Variants in UGT8 observed in about 807,000 individuals in gnomAD.
UGT8 encodes the protein UDP glycosyltransferase 8.
Under a neutral mutation model 40.5 loss-of-function variants are expected in UGT8, and 12 were observed. That is an observed-to-expected ratio of 0.30 (90% CI 0.19 to 0.48). UGT8 has a LOEUF of 0.48. Among genes scored for constraint, UGT8 ranks in the 20% least tolerant of loss-of-function variants. The pLI, the probability that UGT8 is intolerant of heterozygous loss-of-function variation, is 0.99. For synonymous variants in UGT8, 224 were observed against 240.4 expected (o/e 0.93, Z 0.63); for missense variants, 513 against 648.7 (o/e 0.79, Z 2.27).
At chr4:114,600,659 A>G (rs1168231335) in intron 1 of UGT8, among the ~76,000 whole-genome samples, 1 of 152,186 alleles carries the variant, frequency 6.6e-6, no homozygotes. Context: ...CAATATTTTA[A>G]TAGTGTTAAG....
At chr4:114,632,035 T>C (rs1160076318) in intron 2 of UGT8, among the ~76,000 whole-genome samples, 1 of 152,202 alleles carries the variant, frequency 6.6e-6, no homozygotes, top group Non-Finnish European at 1.5e-5. Context: ...CAGTAATAGG[T>C]AAGGGCCTCA....
intron 1 of UGT8, chr4:114,622,312 C>G (rs1353872741): frequency 6.6e-6 from 1 of 151,126 alleles, no homozygotes; most frequent in African/African-American, 2.4e-5. Context: ...GCATAGTATT[C>G]CATGGTGTAT....
At chr4:114,660,890 C>CAA (rs34026143) in intron 2 of UGT8, among the ~76,000 whole-genome samples, 1,374 of 102,944 alleles carry the variant, frequency 0.013, 29 homozygotes, top group African/African-American at 0.047. Context: ...GACTCTGTCT[C>CAA]AAAAAAAAAA....
intron 2 of UGT8, among the ~76,000 whole-genome samples, chr4:114,643,936 A>G (rs1733387136): frequency 6.6e-6 from 1 of 151,804 alleles, no homozygotes; most frequent in Non-Finnish European, 1.5e-5. Flanking sequence ...TTTTATTTCT[A>G]CTCCCATTTT....
intron 1 of UGT8, among the ~76,000 whole-genome samples, chr4:114,610,621 T>A (rs1163684131): frequency 6.6e-6 from 1 of 152,208 alleles, no homozygotes; most frequent in Admixed American, 6.5e-5. Flanking sequence ...TAACTTCTGT[T>A]TTTTATCTAA....
chr4:114,648,976 A>G (rs1015860301), intron 2 of UGT8, among the ~76,000 whole-genome samples: 2 of 152,206 alleles, frequency 1.3e-5, no homozygotes, highest in Non-Finnish European at 2.9e-5. Context: ...GCTTAATTCT[A>G]ACTCTGCTTC....
At chr4:114,664,896 G>T (rs554380668) in intron 3 of UGT8, among the ~76,000 whole-genome samples, 3 of 152,324 alleles carry the variant, frequency 2.0e-5, no homozygotes, top group Admixed American at 1.3e-4. Context: ...TTGAGTAATA[G>T]AGATTTTCCC....
intron 2 of UGT8, among the ~76,000 whole-genome samples, chr4:114,635,407 C>T (rs1011516472): frequency 6.6e-6 from 1 of 151,832 alleles, no homozygotes; most frequent in African/African-American, 2.4e-5. Context: ...ACAGAAAGTA[C>T]ATATTTTTCC....
intron 2 of UGT8, among the ~76,000 whole-genome samples, chr4:114,659,477 T>C (rs1226551012): frequency 1.3e-5 from 2 of 152,216 alleles, no homozygotes; most frequent in Non-Finnish European, 2.9e-5. Context: ...ATTGTGATCA[T>C]TTTCTTTTCA....
At position 114,676,495 on chromosome 4, in the gene UGT8, G is replaced by A. The variant is rs1735654732; in HGVS notation, c.*207G>A. On this transcript the variant is annotated 3_prime_UTR_variant, in exon 6 of 6. Coordinates refer to ENST00000310836, the MANE Select transcript of UGT8 (RefSeq NM_001128174.3). Reference sequence around the variant, plus strand: ...AAATGTATTTTATTCAAATACTGATGTAGAGAGTTTTGGCACTGAACCTTT... The same window carrying A: ...AAATGTATTTTATTCAAATACTGATATAGAGAGTTTTGGCACTGAACCTTT... 4 of 478,712 alleles carry A rather than the reference G, an allele frequency of 8.4e-6. No individual in the cohort carries two copies. Among genetic ancestry groups the A allele is most frequent in the East Asian group, 6.9e-5 (2 of 28,826 alleles). 29.7% of individuals were successfully genotyped at this position (478,712 alleles called of 1,614,324 possible).
chr4:114,607,756 C>A (rs977571184), intron 1 of UGT8, among the ~76,000 whole-genome samples: 1 of 152,156 alleles, frequency 6.6e-6, no homozygotes, highest in Non-Finnish European at 1.5e-5. Context: ...TATATCTAAT[C>A]TATTCCTAAT....
intron 2 of UGT8, among the ~76,000 whole-genome samples, chr4:114,632,759 C>T (rs918289869): frequency 6.6e-6 from 1 of 152,092 alleles, no homozygotes; most frequent in Non-Finnish European, 1.5e-5. Context: ...TATGTCCCAC[C>T]CACTTTCATT....
intron 2 of UGT8, among the ~76,000 whole-genome samples, chr4:114,650,264 T>G (rs1256876970): frequency 6.6e-6 from 1 of 152,242 alleles, no homozygotes; most frequent in Non-Finnish European, 1.5e-5. Context: ...GTTATCTTCC[T>G]GGAACCTTTT....
At chr4:114,635,350 CAA>C (rs755430712) in intron 2 of UGT8, among the ~76,000 whole-genome samples, 1 of 130,874 alleles carries the variant, frequency 7.6e-6, no homozygotes. Flanking sequence ...GATTCTGTCT[CAA>C]AAAAAAAAAA....
chr4:114,650,682 A>G (rs751498238), intron 2 of UGT8, among the ~76,000 whole-genome samples: 3 of 152,078 alleles, frequency 2.0e-5, no homozygotes, highest in African/African-American at 4.8e-5. Flanking sequence ...TTTTTAATCT[A>G]TTTTGTGGCA....
upstream of UGT8, chr4:114,598,643 AGTGCGGAAGG>A (rs1730232867): frequency 6.6e-6 from 1 of 152,174 alleles, no homozygotes; most frequent in African/African-American, 2.4e-5. Flanking sequence ...CGCTGAGCCA[AGTGCGGAAGG>A]GCAGCGGCGC....
intron 1 of UGT8, among the ~76,000 whole-genome samples, chr4:114,615,355 C>A (rs1421337166): frequency 6.6e-6 from 1 of 152,120 alleles, no homozygotes; most frequent in Non-Finnish European, 1.5e-5. Flanking sequence ...TTTATTGATA[C>A]TTGTATGTTA....
chr4:114,609,733 A>G (rs374018728), intron 1 of UGT8, among the ~76,000 whole-genome samples: 5 of 152,152 alleles, frequency 3.3e-5, no homozygotes, highest in African/African-American at 1.2e-4. Flanking sequence ...TCTGACCATT[A>G]TTTTTGCCAG....
In UGT8 at chr4:114,613,406, A is replaced by G. The variant is rs146241006; in HGVS notation, c.-2-9473A>G. On this transcript the variant is annotated intron_variant, in intron 1 of 5. Transcript: ENST00000310836. ...TTAAGTAATAATGGGGAAGTTGACT[A>G]TTAAACAACATGAAAATGAAAGGAA... Among the ~76,000 whole-genome samples, 1,082 of 152,272 alleles carry G rather than the reference A, an allele frequency of 7.1e-3. 21 individuals are homozygous for G. Among genetic ancestry groups the G allele is most frequent in the African/African-American group, 0.025 (1,039 of 41,556 alleles).
Sources: gnomAD v4.1 joint callset for allele counts (sites outside exome capture counted in the v4.1 genomes callset) on GRCh38, gnomAD v4.1.1 for gene constraint, MANE v1.5 for transcripts, NCBI Gene and HGNC (gene_info 2026-07-23, HGNC 2026-07-21) for gene names.